The following ABHD8 variants were observed in gnomAD, a reference collection of about 807,000 sequenced individuals.
ABHD8 encodes the protein abhydrolase domain containing 8.
Under a neutral mutation model 29.3 loss-of-function variants are expected in ABHD8, and 10 were observed. The ratio of observed to expected loss-of-function variants is 0.34; its 90% CI spans 0.21 to 0.58. The LOEUF is 0.58. Among genes scored for constraint, ABHD8 ranks in the 20% least tolerant of loss-of-function variants. The pLI is 0.85. For missense variants in ABHD8, 556 were observed against 615.3 expected (o/e 0.90, Z 1.02); for synonymous variants, 282 against 274.6 (o/e 1.03, Z -0.27).
chr19:17,301,951 G>C (rs2074122140), intron 1 of ABHD8, among the ~76,000 whole-genome samples: 1 of 152,136 alleles, frequency 6.6e-6, no homozygotes, highest in Admixed American at 6.6e-5. Context: ...GTGCCACCAT[G>C]TCTAGCTAAT....
In ABHD8 at chr19:17,294,638, G is replaced by T. The variant is rs781293459; in HGVS notation, c.932+37C>A. 2.5e-6 allele frequency: 4 copies of T among 1,609,734 alleles called. No individual in the cohort carries two copies. In the East Asian group the frequency reaches 8.9e-5, roughly 36 times the overall value. On this transcript the variant is annotated intron_variant, in intron 3 of 4. Transcript: ENST00000247706. Reference sequence around the variant, plus strand: ...CTCGAGCAGATGCCTGGGTTCGCCAGGGCCAGGATCACGGTCTTTGGGGTG... The same window carrying T: ...CTCGAGCAGATGCCTGGGTTCGCCATGGCCAGGATCACGGTCTTTGGGGTG...
intron 2 of ABHD8, 60 bp from the exon 3 acceptor site, chr19:17,294,905 C>T (rs1014087353): frequency 3.8e-6 from 6 of 1,572,896 alleles, no homozygotes; most frequent in Non-Finnish European, 4.3e-6. Flanking sequence ...AGGATACAAG[C>T]AGTGACCATT....
rs375476579 is a variant in ABHD8 at position 17,293,695 on chromosome 19, T to G, written c.1149+593A>C. Among the ~76,000 whole-genome samples the G allele has an allele frequency of 5.1e-4, 78 of 151,786 alleles. 1 individual carries two copies. The highest frequency in any genetic ancestry group is 7.2e-4 in the Admixed American group (11 of 15,236). On this transcript the variant is annotated intron_variant, in intron 4 of 4. Transcript: ENST00000247706. ...GTTATACTTTAATGGTTTTTGTTTT[T>G]TTTTTTTTTTCTTTAAGAAACGGGG...
At chr19:17,301,776 T>G (rs942045672) in intron 1 of ABHD8, among the ~76,000 whole-genome samples, 152 bp from the exon 2 acceptor site, 17 of 147,462 alleles carry the variant, frequency 1.2e-4, no homozygotes, top group Admixed American at 3.4e-4. Context: ...ATTTTTTTGT[T>G]TGTGTGTGTG....
chr19:17,303,000 C>T (rs2074127984), intron 1 of ABHD8: 2 of 152,198 alleles, frequency 1.3e-5, no homozygotes, highest in South Asian at 2.1e-4. Flanking sequence ...AGGCCATGCC[C>T]CCCACCTCGA....
chr19:17,295,090 ATTTTT>A (rs779607230), intron 2 of ABHD8, among the ~76,000 whole-genome samples: 3 of 80,412 alleles, frequency 3.7e-5, no homozygotes, highest in South Asian at 5.3e-4. Context: ...CACCCAGGTA[ATTTTT>A]TTTTTTTTTT....
chr19:17,294,350 G>A lies in ABHD8; in HGVS notation c.1087C>T (p.Leu363=). 1 of 1,613,354 alleles carries A rather than the reference G, an allele frequency of 6.2e-7. No homozygotes were observed. The highest frequency in any genetic ancestry group is 8.5e-7 in the Non-Finnish European group (1 of 1,180,006). Residue 363 remains leucine, a synonymous_variant, in exon 4 of 5, where the codon CTG becomes TTG. Transcript: ENST00000247706. Reference sequence around the variant, plus strand: ...TTATCGTGCATGCCGTGGACAAGCAGGACGGGCACGGTGAGCTCGGCGTGG... The same window carrying A: ...TTATCGTGCATGCCGTGGACAAGCAAGACGGGCACGGTGAGCTCGGCGTGG... The part of the protein sequence containing the change: ...VYHAELTVPV[L]LVHGMHDKFV...
rs1272274426 is a variant in ABHD8 at position 17,293,689 on chromosome 19, TG to T, written c.1149+598del. 4.9e-3 allele frequency among the ~76,000 whole-genome samples: 290 copies of T among 59,064 alleles called. 1 individual carries two copies. Among genetic ancestry groups the T allele is most frequent in the African/African-American group, 0.018 (249 of 13,782 alleles). 38.7% of individuals were successfully genotyped at this position (59,064 alleles called of 152,430 possible). A position where few individuals can be genotyped will look rare whatever the true frequency, so the allele number is the denominator to read the frequency against. On this transcript the variant is annotated intron_variant, in intron 4 of 4. Coordinates refer to ENST00000247706, the MANE Select transcript of ABHD8 (RefSeq NM_024527.5). ...AGTCCAGTTATACTTTAATGGTTTTTGTTTTTTTTTTTTTTTCTTTAAGAAA... is the reference window on the plus strand; with the variant it reads ...AGTCCAGTTATACTTTAATGGTTTTTTTTTTTTTTTTTTTTCTTTAAGAAA...
chr19:17,299,539 G>T (rs1288176620), intron 2 of ABHD8, among the ~76,000 whole-genome samples: 4 of 139,214 alleles, frequency 2.9e-5, no homozygotes, highest in African/African-American at 8.0e-5. Context: ...CCAGCCTGGG[G>T]GACAGAGTGA....
In ABHD8 at chr19:17,301,632, T is replaced by A; in HGVS notation, c.-8-8A>T. The stretch of plus-strand genomic sequence containing the variant: ...CGGTCAGCATGGTGTGTCCTGTGAG[T>A]GAGGACAGCAGCCAGTTCAGGTGCT... On this transcript the variant is annotated splice_polypyrimidine_tract_variant and splice_region_variant and intron_variant, in intron 1 of 4. Coordinates refer to ENST00000247706, the MANE Select transcript of ABHD8 (RefSeq NM_024527.5). The A allele has an allele frequency of 6.5e-7, 1 of 1,526,722 alleles. No homozygotes were observed. The highest frequency in any genetic ancestry group is 8.8e-7 in the Non-Finnish European group (1 of 1,139,850). The allele number at this position is 1,526,722 out of a possible 1,614,324, so 94.6% of individuals were successfully genotyped here.
rs1439018940 is a variant in ABHD8 at position 17,297,519 on chromosome 19, CTCCTGACCTTGTGA to C, written c.762-2688_762-2675del. Among the ~76,000 whole-genome samples the C allele has an allele frequency of 2.6e-5, 4 of 152,250 alleles. No individual in the cohort carries two copies. In the South Asian group the frequency reaches 8.3e-4, roughly 32 times the overall value. On this transcript the variant is annotated intron_variant, in intron 2 of 4. Transcript: ENST00000247706. Reference sequence around the variant, plus strand: ...CCATTTTGGCCAGGCTGGTCTTGAACTCCTGACCTTGTGATCCGCCTGCCTCGGCCTCCAAAAGT... The same window carrying C: ...CCATTTTGGCCAGGCTGGTCTTGAACTCCGCCTGCCTCGGCCTCCAAAAGT...
At position 17,299,560 on chromosome 19, in the gene ABHD8, CAAAAAAAAAAAA is replaced by C. The variant is rs567760409; in HGVS notation, c.761+1284_761+1295del. 5.8e-5 allele frequency among the ~76,000 whole-genome samples: 3 copies of C among 51,506 alleles called. No homozygotes were observed. In the East Asian group the frequency reaches 2.0e-3, roughly 35 times the overall value. The allele number at this position is 51,506 out of a possible 152,430, so 33.8% of individuals were successfully genotyped here. ...TGGGGGACAGAGTGAGACTCCATCTCAAAAAAAAAAAAAAAAAAAAAAATTAAGGCTGAGCAC... is the reference window on the plus strand; with the variant it reads ...TGGGGGACAGAGTGAGACTCCATCTCAAAAAAAAAAATTAAGGCTGAGCAC... On this transcript the variant is annotated intron_variant, in intron 2 of 4. Transcript: ENST00000247706.
Position 17,292,769 on chromosome 19 carries a change from G to A in ABHD8, c.1212C>T (p.Cys404=). The change falls in exon 5 of 5, where the codon TGC becomes TGT. Residue 404 remains cysteine (C), a synonymous_variant. Transcript: ENST00000247706. ...DEGSHMVMLE[C]PETVNTLLHE... The stretch of plus-strand genomic sequence containing the variant: ...GGAGCAGCGTGTTGACCGTCTCAGG[G>A]CATTCCAGCATCACCATGTGGCTGC... 1 of 1,613,736 alleles carries A rather than the reference G, an allele frequency of 6.2e-7. No individual in the cohort carries two copies. The highest frequency in any genetic ancestry group is 2.2e-5 in the East Asian group (1 of 44,832).
intron 2 of ABHD8, among the ~76,000 whole-genome samples, chr19:17,300,162 C>G (rs1022884250): frequency 9.3e-5 from 14 of 150,458 alleles, no homozygotes; most frequent in Non-Finnish European, 1.8e-4. Context: ...CCTCAGCCTC[C>G]CAAAGTGCTG....
chr19:17,292,791 C>T lies in ABHD8; in HGVS notation c.1190G>A (p.Ser397Asn). The T allele has an allele frequency of 1.9e-6, 3 of 1,613,180 alleles. No individual in the cohort carries two copies. Among genetic ancestry groups the T allele is most frequent in the Non-Finnish European group, 2.5e-6 (3 of 1,179,626 alleles). Residue 397 changes from serine to asparagine, a missense_variant, in exon 5 of 5, where the codon AGC (serine) becomes AAC (asparagine). Coordinates refer to ENST00000247706, the MANE Select transcript of ABHD8 (RefSeq NM_024527.5). ...LAFLKLIDEG[S>N]HMVMLECPET... ...AGGGCATTCCAGCATCACCATGTGG[C>T]TGCCCTCGTCGATGAGCTTCAGGAA...
chr19:17,300,770 G>T lies in ABHD8; in HGVS notation c.761+86C>A, dbSNP rs1269438955. ...TGGGATTACAGGCGTGAGCCACGGG[G>T]CTCAGCCAAAAACTCAGTATTTTGT... On this transcript the variant is annotated intron_variant, in intron 2 of 4. Coordinates refer to ENST00000247706, the MANE Select transcript of ABHD8 (RefSeq NM_024527.5). 4.7e-6 allele frequency: 7 copies of T among 1,475,468 alleles called. No individual in the cohort carries two copies. The Admixed American group carries it at 1.6e-4, about 33-fold the overall frequency. The allele number at this position is 1,475,468 out of a possible 1,614,324, so 91.4% of individuals were successfully genotyped here.
chr19:17,294,726 G>C lies in ABHD8; in HGVS notation c.881C>G (p.Pro294Arg). 1 of 1,614,178 alleles carries C rather than the reference G, an allele frequency of 6.2e-7. No individual in the cohort carries two copies. Among genetic ancestry groups the C allele is most frequent in the Non-Finnish European group, 8.5e-7 (1 of 1,180,044 alleles). Residue 294 changes from proline (P) to arginine (R), a missense_variant, in exon 3 of 5, where the codon CCC (proline) becomes CGC (arginine). This residue lies in a region of ABHD8 where 270 missense variants were observed against 353.9 expected (regional missense o/e 0.76). Coordinates refer to ENST00000247706, the MANE Select transcript of ABHD8 (RefSeq NM_024527.5). ...CGACAAGCAGTGCAGGACGCAGGTGGGCATGTTGAAGATTGAGCAGAAGCT... is the reference window on the plus strand; with the variant it reads ...CGACAAGCAGTGCAGGACGCAGGTGCGCATGTTGAAGATTGAGCAGAAGCT... The part of the protein sequence containing the change: ...EPSFCSIFNM[P>R]TCVLHCLSPC...
Position 17,294,786 on chromosome 19 carries a change from A to G in ABHD8, c.821T>C (p.Met274Thr), listed in dbSNP as rs745884795. The G allele has an allele frequency of 1.2e-6, 2 of 1,614,132 alleles. No homozygotes were observed. Among genetic ancestry groups the G allele is most frequent in the East Asian group, 2.2e-5 (1 of 44,900 alleles). ...EYPDLVHKVI[M>T]INGGGPTALE... is the part of the protein sequence containing the mutation. ...CGCCGTAGGGCCCCCGCCATTGATC[A>G]TGATCACCTTGTGCACTAGGTCTGG... is the stretch of plus-strand genomic sequence containing the variant. The change falls in exon 3 of 5, where the codon ATG becomes ACG. Residue 274 changes from methionine to threonine, a missense_variant. By Grantham distance (81) the Met-to-Thr change is moderately conservative. Coordinates refer to ENST00000247706, the MANE Select transcript of ABHD8 (RefSeq NM_024527.5).
chr19:17,294,584 C>G, intron 3 of ABHD8, 80 bp from the exon 4 acceptor site: 1 of 1,607,676 alleles, frequency 6.2e-7, no homozygotes, highest in Non-Finnish European at 8.5e-7. Flanking sequence ...AGCCCTAGTC[C>G]CAGCGGTACA....
Sources: gnomAD v4.1 joint callset for allele counts (sites outside exome capture counted in the v4.1 genomes callset) on GRCh38, gnomAD v4.1.1 for gene constraint, gnomAD v4.1.1 regional missense constraint, MANE v1.5 for transcripts, NCBI Gene and HGNC (gene_info 2026-07-23, HGNC 2026-07-21) for gene names.